Variants in AKAP6 observed in about 807,000 individuals in gnomAD.
AKAP6 encodes A-kinase anchoring protein 6.
AKAP6 carries 58 observed loss-of-function variants against 188.5 expected under a neutral mutation model. That is an observed-to-expected ratio of 0.31 (90% confidence interval 0.25 to 0.38). AKAP6 has a LOEUF of 0.38. Ranked by LOEUF, AKAP6 falls within the 10% of genes least tolerant of loss-of-function variation. AKAP6 has a pLI of 1.00. For missense variants in AKAP6, 2,710 were observed against 2,740.0 expected, an observed-to-expected ratio of 0.99 and a Z score of 0.24; for synonymous variants, 989 against 998.6, an observed-to-expected ratio of 0.99 and a Z score of 0.18.
chr14:32,530,606 G>A (rs36116377), intron 2 of AKAP6, among the ~76,000 whole-genome samples: 1 of 151,968 alleles, frequency 6.6e-6, no homozygotes, highest in Non-Finnish European at 1.5e-5. Context: ...ATGGCCTCAT[G>A]ATGAGGCAGC....
intron 7 of AKAP6, among the ~76,000 whole-genome samples, chr14:32,634,776 T>A (rs1887416354): frequency 6.6e-6 from 1 of 152,062 alleles, no homozygotes; most frequent in Non-Finnish European, 1.5e-5. Flanking sequence ...AGTCTTTTCC[T>A]AAATAGACCT....
At chr14:32,651,138 C>T (rs1888205565) in intron 7 of AKAP6, among the ~76,000 whole-genome samples, 1 of 152,172 alleles carries the variant, frequency 6.6e-6, no homozygotes, top group South Asian at 2.1e-4. Flanking sequence ...GTGCAGGCCT[C>T]TTTGCCTTTT....
At chr14:32,581,181 T>G (rs1402869663) in intron 5 of AKAP6, among the ~76,000 whole-genome samples, 4 of 152,144 alleles carry the variant, frequency 2.6e-5, no homozygotes, top group African/African-American at 9.7e-5. Context: ...AGTGTAAAAG[T>G]GTTCCTGTTT....
intron 2 of AKAP6, among the ~76,000 whole-genome samples, chr14:32,499,020 A>G (rs1162536140): frequency 6.6e-6 from 1 of 151,688 alleles, no homozygotes; most frequent in Non-Finnish European, 1.5e-5. Flanking sequence ...CATACTACCT[A>G]GTGGAGTACT....
chr14:32,464,680 C>T (rs1488692552), intron 2 of AKAP6, among the ~76,000 whole-genome samples: 4 of 152,070 alleles, frequency 2.6e-5, no homozygotes, highest in South Asian at 2.1e-4. Context: ...ATTTGAAAAC[C>T]GGCACAAGAC....
intron 12 of AKAP6, among the ~76,000 whole-genome samples, chr14:32,808,495 A>G (rs1326815831): frequency 6.6e-6 from 1 of 152,248 alleles, no homozygotes; most frequent in Non-Finnish European, 1.5e-5. Flanking sequence ...TTCCTGTAAG[A>G]TTACTAACTC....
chr14:32,712,810 T>C (rs2029966537), intron 9 of AKAP6, among the ~76,000 whole-genome samples: 1 of 152,084 alleles, frequency 6.6e-6, no homozygotes, highest in African/African-American at 2.4e-5. Context: ...AACCCCTCAG[T>C]CATCCATAAG....
chr14:32,779,045 G>T (rs1368102344), intron 12 of AKAP6, among the ~76,000 whole-genome samples: 1 of 151,936 alleles, frequency 6.6e-6, no homozygotes, highest in Non-Finnish European at 1.5e-5. Context: ...CAATTAAAAA[G>T]GAACAATGAT....
intron 1 of AKAP6, among the ~76,000 whole-genome samples, chr14:32,347,326 C>T (rs1360766682): frequency 6.6e-6 from 1 of 152,104 alleles, no homozygotes; most frequent in African/African-American, 2.4e-5. Context: ...CGTTTAATTT[C>T]ACCAGGTAAA....
intron 1 of AKAP6, among the ~76,000 whole-genome samples, chr14:32,399,131 G>T (rs1888996430): frequency 6.6e-6 from 1 of 152,078 alleles, no homozygotes; most frequent in African/African-American, 2.4e-5. Flanking sequence ...TAGGATTACA[G>T]GCGTGAGCCA....
At chr14:32,565,557 C>T (rs1296764546) in intron 4 of AKAP6, among the ~76,000 whole-genome samples, 2 of 152,198 alleles carry the variant, frequency 1.3e-5, no homozygotes, top group African/African-American at 2.4e-5. Context: ...AGCCTTTTAA[C>T]TGGCTTCTCT....
intron 2 of AKAP6, among the ~76,000 whole-genome samples, chr14:32,483,323 G>C (rs1296614038): frequency 3.9e-5 from 6 of 151,924 alleles, no homozygotes; most frequent in Non-Finnish European, 8.8e-5. Context: ...TTTTTGATTT[G>C]TAGAAAATAG....
At chr14:32,811,561 T>C (rs1028733346) in intron 12 of AKAP6, among the ~76,000 whole-genome samples, 5 of 152,154 alleles carry the variant, frequency 3.3e-5, no homozygotes, top group African/African-American at 9.7e-5. Flanking sequence ...ACTTGCGTGA[T>C]TGGCATCTGA....
intron 4 of AKAP6, among the ~76,000 whole-genome samples, chr14:32,574,470 C>T (rs1291269269): frequency 2.0e-5 from 3 of 152,162 alleles, no homozygotes; most frequent in Non-Finnish European, 4.4e-5. Flanking sequence ...AAACCTGACA[C>T]ATTGTTTAGT....
At chr14:32,776,664 AT>A (rs1411699718) in intron 12 of AKAP6, among the ~76,000 whole-genome samples, 10 of 152,234 alleles carry the variant, frequency 6.6e-5, no homozygotes, top group African/African-American at 2.4e-4. Flanking sequence ...CTGGCATTTG[AT>A]TTGGAGTTAC....
At chr14:32,807,695 A>T (rs1385246181) in intron 12 of AKAP6, among the ~76,000 whole-genome samples, 1 of 152,152 alleles carries the variant, frequency 6.6e-6, no homozygotes. Context: ...CGAGTTTTAG[A>T]GTTGTGGAAA....
intron 7 of AKAP6, among the ~76,000 whole-genome samples, chr14:32,677,552 C>T (rs530442357): frequency 5.2e-4 from 79 of 152,264 alleles, no homozygotes; most frequent in African/African-American, 1.8e-3. Flanking sequence ...ATATCATTCT[C>T]GGTCTCATCT....
intron 1 of AKAP6, among the ~76,000 whole-genome samples, chr14:32,363,445 A>G (rs1259727168): frequency 3.3e-5 from 5 of 152,222 alleles, no homozygotes; most frequent in South Asian, 2.1e-4. Context: ...CAAGGAAGCC[A>G]GTCTGAGTCC....
intron 2 of AKAP6, among the ~76,000 whole-genome samples, chr14:32,520,166 A>G (rs1364609782): frequency 1.3e-5 from 2 of 152,224 alleles, no homozygotes; most frequent in Non-Finnish European, 2.9e-5. Flanking sequence ...AAGACACAAC[A>G]TACCAGAATC....
Sources: allele counts gnomAD v4.1 joint callset (sites outside exome capture counted in the v4.1 genomes callset), GRCh38; gene constraint gnomAD v4.1.1; transcripts MANE v1.5; gene names NCBI Gene and HGNC (gene_info 2026-07-23, HGNC 2026-07-21).